Variants in WWP1 observed in about 807,000 individuals in gnomAD.
WWP1 encodes NEDD4-like E3 ubiquitin-protein ligase WWP1.
WWP1 carries 49 observed loss-of-function variants against 130.6 expected under a neutral mutation model. The ratio of observed to expected loss-of-function variants is 0.38; its 90% CI spans 0.30 to 0.48. WWP1 has a LOEUF of 0.48. Ranked by LOEUF, WWP1 falls within the 20% of genes least tolerant of loss-of-function variation. The pLI is 0.99. For synonymous variants in WWP1, 332 were observed against 367.8 expected, an observed-to-expected ratio of 0.90 and a Z score of 1.11; for missense variants, 809 against 1,100.6, an observed-to-expected ratio of 0.74 and a Z score of 3.75.
intron 22 of WWP1, among the ~76,000 whole-genome samples, chr8:86,460,790 CTTTTTTTTTTTTTTT>C (rs59506795): frequency 1.1e-4 from 7 of 62,402 alleles, no homozygotes; most frequent in African/African-American, 1.4e-4. Flanking sequence ...TTTAGCACAT[CTTTTTTTTTTTTTTT>C]TTTTTTTTTT....
chr8:86,378,145 A>G (rs372889362), intron 3 of WWP1, among the ~76,000 whole-genome samples: 5 of 152,110 alleles, frequency 3.3e-5, no homozygotes. Flanking sequence ...ATACACGTTT[A>G]CTGTTCTTGA....
At chr8:86,346,365 G>A (rs1041894795) in intron 1 of WWP1, among the ~76,000 whole-genome samples, 4 of 152,154 alleles carry the variant, frequency 2.6e-5, no homozygotes, top group African/African-American at 9.7e-5. Context: ...GGAGCTTGTA[G>A]TGAGCCGAGA....
chr8:86,420,363 A>T (rs1200893074), intron 9 of WWP1, among the ~76,000 whole-genome samples: 1 of 152,174 alleles, frequency 6.6e-6, no homozygotes, highest in Non-Finnish European at 1.5e-5. Flanking sequence ...AGTGGAGATA[A>T]TTTTTCTAGC....
In WWP1 at chr8:86,425,646, A is replaced by G. The variant is rs557837680; in HGVS notation, c.1157+328A>G. Reference sequence around the variant, plus strand: ...TTCTCCATGGATAGTGATCTAAACTATGTTATTTCATAAGATTTAATGACT... The same window carrying G: ...TTCTCCATGGATAGTGATCTAAACTGTGTTATTTCATAAGATTTAATGACT... On this transcript the variant is annotated intron_variant, in intron 10 of 24. Transcript: ENST00000517970. Among the ~76,000 whole-genome samples, 13 of 152,312 alleles carry G rather than the reference A, an allele frequency of 8.5e-5. No individual in the cohort carries two copies. In the East Asian group the frequency reaches 9.7e-4, roughly 11 times the overall value.
intron 16 of WWP1, among the ~76,000 whole-genome samples, chr8:86,436,898 G>A (rs574579432): frequency 1.3e-5 from 2 of 151,814 alleles, no homozygotes; most frequent in South Asian, 4.2e-4. Flanking sequence ...TCAAACCATA[G>A]CTTAATTTTA....
Position 86,342,719 on chromosome 8 carries a change from G to A in WWP1, c.-326G>A, listed in dbSNP as rs1314173862. ...GGTGGCGCGTGGACGGGGTGGGGGT[G>A]GGGGGAGGGTCGGGTGTCGGCGAGC... On this transcript the variant is annotated 5_prime_UTR_variant, in exon 1 of 25. Transcript: ENST00000517970. 5 of 317,836 alleles carry A rather than the reference G, an allele frequency of 1.6e-5. No individual in the cohort carries two copies. Among genetic ancestry groups the A allele is most frequent in the Middle Eastern group, 1.6e-3 (2 of 1,230 alleles). The allele number at this position is 317,836 out of a possible 1,614,324, so 19.7% of individuals were successfully genotyped here.
chr8:86,427,036 G>A (rs112960174), intron 10 of WWP1, among the ~76,000 whole-genome samples: 53 of 152,078 alleles, frequency 3.5e-4, no homozygotes, highest in African/African-American at 9.4e-4. Flanking sequence ...GGTGGTCTGC[G>A]CCTGTAATCC....
chr8:86,397,523 G>A (rs1034048619), intron 5 of WWP1, among the ~76,000 whole-genome samples: 14 of 152,120 alleles, frequency 9.2e-5, no homozygotes, highest in African/African-American at 1.7e-4. Context: ...ACATTACATT[G>A]TGCAATATCT....
At position 86,425,239 on chromosome 8, in the gene WWP1, G is replaced by T. The variant is rs1809552023; in HGVS notation, c.1078G>T (p.Asp360Tyr). 6.2e-7 allele frequency: 1 copy of T among 1,610,648 alleles called. No individual in the cohort carries two copies. Among genetic ancestry groups the T allele is most frequent in the Non-Finnish European group, 8.5e-7 (1 of 1,178,882 alleles). The change falls in exon 10 of 25, where the codon GAT becomes TAT. Residue 360 changes from aspartate to tyrosine, a missense_variant. By Grantham distance (160) the Asp-to-Tyr change is radical. This residue lies in a region of WWP1 where 97 missense variants were observed against 80.4 expected (regional missense o/e 1.21). Transcript: ENST00000517970. Reference protein sequence around the residue: ...TLPSGWEQRKDPHGRTYYVDH... With the variant: ...TLPSGWEQRKYPHGRTYYVDH... ...TTATTAAAGGTGGGAACAAAGAAAA[G>T]ATCCTCATGGTAGAACCTATTATGT... is the stretch of plus-strand genomic sequence containing the variant.
At chr8:86,368,714 A>G (rs960096273) in intron 1 of WWP1, among the ~76,000 whole-genome samples, 1 of 152,050 alleles carries the variant, frequency 6.6e-6, no homozygotes, top group Admixed American at 6.5e-5. Flanking sequence ...TCCATTGTCC[A>G]CTATGCAAGC....
chr8:86,391,674 G>A (rs1280702913), intron 5 of WWP1, among the ~76,000 whole-genome samples: 4 of 152,030 alleles, frequency 2.6e-5, no homozygotes, highest in Non-Finnish European at 4.4e-5. Context: ...TCTTTTAAAA[G>A]GAGAATGAAG....
intron 9 of WWP1, among the ~76,000 whole-genome samples, chr8:86,416,573 ATTTC>A (rs1256151646): frequency 6.8e-6 from 1 of 147,396 alleles, no homozygotes; most frequent in African/African-American, 2.5e-5. Flanking sequence ...ATTCTTCCAC[ATTTC>A]TTTTTTTTTT....
At chr8:86,400,774 C>T (rs1467107615) in intron 7 of WWP1, among the ~76,000 whole-genome samples, 6 of 152,128 alleles carry the variant, frequency 3.9e-5, no homozygotes. Context: ...TTATCTGCTG[C>T]AAAGTGAGCA....
chr8:86,379,334 T>C (rs1824854124), intron 3 of WWP1, among the ~76,000 whole-genome samples: 2 of 152,188 alleles, frequency 1.3e-5, no homozygotes, highest in African/African-American at 4.8e-5. Context: ...TACTTAAATA[T>C]AGTATTTGCT....
intron 9 of WWP1, among the ~76,000 whole-genome samples, chr8:86,419,813 A>G (rs542224228): frequency 6.6e-6 from 1 of 152,356 alleles, no homozygotes; most frequent in African/African-American, 2.4e-5. Context: ...ATTGGGGCCA[A>G]TTAAATTCTA....
chr8:86,422,458 C>T (rs1809283530), intron 9 of WWP1, among the ~76,000 whole-genome samples: 1 of 151,776 alleles, frequency 6.6e-6, no homozygotes, highest in African/African-American at 2.4e-5. Context: ...CTCCTGGGTT[C>T]AAGCAGTTAT....
intron 11 of WWP1, among the ~76,000 whole-genome samples, chr8:86,428,750 T>G (rs1251222803): frequency 6.6e-6 from 1 of 152,148 alleles, no homozygotes; most frequent in African/African-American, 2.4e-5. Context: ...TACAGAAATC[T>G]GTGGTAAGGT....
At chr8:86,434,015 A>G (rs1378599359) in intron 14 of WWP1, among the ~76,000 whole-genome samples, 2 of 152,076 alleles carry the variant, frequency 1.3e-5, no homozygotes, top group East Asian at 1.9e-4. Flanking sequence ...ACTTCAAAAC[A>G]TATCTAGAAT....
Position 86,370,855 on chromosome 8 carries a change from C to CTTTTTTTT in WWP1, c.-22+1845_-22+1852dup, listed in dbSNP as rs555585296. Among the ~76,000 whole-genome samples, 376 of 44,886 alleles carry CTTTTTTTT rather than the reference C, an allele frequency of 8.4e-3. 96 individuals are homozygous for CTTTTTTTT. The highest frequency in any genetic ancestry group is 9.0e-3 in the Non-Finnish European group (235 of 26,204). The allele number at this position is 44,886 out of a possible 152,430, so 29.4% of individuals were successfully genotyped here. Reference sequence around the variant, plus strand: ...GGTATTGCTTATAGCTATATTCATTCTTTTTTTTTTTTTTTTTTTTTTTTT... The same window carrying CTTTTTTTT: ...GGTATTGCTTATAGCTATATTCATTCTTTTTTTTTTTTTTTTTTTTTTTTTTTTTTTTT... On this transcript the variant is annotated intron_variant, in intron 2 of 24. Transcript: ENST00000517970.
Sources: allele counts gnomAD v4.1 joint callset (sites outside exome capture counted in the v4.1 genomes callset), GRCh38; gene constraint gnomAD v4.1.1; regional missense constraint gnomAD v4.1.1; transcripts MANE v1.5; gene names NCBI Gene and HGNC (gene_info 2026-07-23, HGNC 2026-07-21).